PDE3B: variants seen among roughly 807,000 people sequenced by gnomAD.
The protein encoded by PDE3B is cGMP-inhibited 3',5'-cyclic phosphodiesterase 3B.
Under a neutral mutation model 116.8 loss-of-function variants are expected in PDE3B, and 66 were observed. The observed-to-expected ratio is 0.56, with a 90% CI of 0.46 to 0.69. The LOEUF is 0.69. Ranked by LOEUF, PDE3B falls within the 30% of genes least tolerant of loss-of-function variation. The probability of loss-of-function intolerance (pLI) is 0.00; values close to 1 mark genes in which losing one functional copy is unlikely to be tolerated. For synonymous variants in PDE3B, 595 were observed against 533.6 expected, an observed-to-expected ratio of 1.12 and a Z score of -1.59; for missense variants, 1,384 against 1,368.1, an observed-to-expected ratio of 1.01 and a Z score of -0.18.
rs758511037 is a variant in PDE3B at position 14,784,301 on chromosome 11, A to G, written c.1030-2136A>G. Among the ~76,000 whole-genome samples, 76 of 152,342 alleles carry G rather than the reference A, an allele frequency of 5.0e-4. No individual in the cohort carries two copies. In the Middle Eastern group the frequency reaches 0.01, roughly 20 times the overall value. Reference sequence around the variant, plus strand: ...AAATAGTGGGAGAATGCAATAGACTATCCTTCTTGTGAGTTTCATGAATCA... The same window carrying G: ...AAATAGTGGGAGAATGCAATAGACTGTCCTTCTTGTGAGTTTCATGAATCA... On this transcript the variant is annotated intron_variant, in intron 2 of 15. Coordinates refer to ENST00000282096, the MANE Select transcript of PDE3B (RefSeq NM_000922.4).
chr11:14,740,027 G>A (rs929763818), intron 1 of PDE3B, among the ~76,000 whole-genome samples: 5 of 152,174 alleles, frequency 3.3e-5, no homozygotes, highest in South Asian at 2.1e-4. Context: ...GAGAATTTTT[G>A]CATCGATGTT....
Position 14,660,467 on chromosome 11 carries a change from A to G in PDE3B, c.978+15414A>G, listed in dbSNP as rs183884796. The stretch of plus-strand genomic sequence containing the variant: ...CAGGCACGTGCCACCATTCCTGGCT[A>G]TTTTTTTTTTGTATTTTGTAGAGAT... On this transcript the variant is annotated intron_variant, in intron 1 of 15. Transcript: ENST00000282096. Among the ~76,000 whole-genome samples, 258 of 145,578 alleles carry G rather than the reference A, an allele frequency of 1.8e-3. 1 individual carries two copies. Among genetic ancestry groups the G allele is most frequent in the African/African-American group, 6.0e-3 (238 of 39,728 alleles).
intron 2 of PDE3B, among the ~76,000 whole-genome samples, chr11:14,784,125 AC>A (rs1215941721): frequency 1.3e-5 from 2 of 152,118 alleles, no homozygotes; most frequent in Non-Finnish European, 2.9e-5. Context: ...ATCTCCTCGC[AC>A]CCCTACCCAG....
intron 1 of PDE3B, among the ~76,000 whole-genome samples, chr11:14,742,927 T>C (rs1175813890): frequency 1.3e-5 from 2 of 152,134 alleles, no homozygotes; most frequent in Non-Finnish European, 2.9e-5. Flanking sequence ...TGACTGTTCC[T>C]TCCTCTGGAA....
At chr11:14,652,950 T>G (rs1455994731) in intron 1 of PDE3B, among the ~76,000 whole-genome samples, 7 of 152,238 alleles carry the variant, frequency 4.6e-5, no homozygotes, top group Non-Finnish European at 7.3e-5. Context: ...ATTAATTTAT[T>G]TCAGCAATAT....
chr11:14,793,541 G>A (rs1474225015), intron 4 of PDE3B, among the ~76,000 whole-genome samples: 1 of 152,058 alleles, frequency 6.6e-6, no homozygotes, highest in Non-Finnish European at 1.5e-5. Flanking sequence ...CCTATACTTA[G>A]AGTTAAAAGA....
chr11:14,892,172 C>T, the PDE3B span: 1 of 1,610,786 alleles, frequency 6.2e-7, no homozygotes, highest in African/African-American at 1.3e-5. Context: ...CCGAGCGCCG[C>T]CGCGCCCTCT....
intron 5 of PDE3B, among the ~76,000 whole-genome samples, chr11:14,807,287 T>C (rs1048282043): frequency 6.6e-6 from 1 of 152,100 alleles, no homozygotes; most frequent in Non-Finnish European, 1.5e-5. Context: ...GTAAACACAA[T>C]AATAACTTTC....
At position 14,757,727 on chromosome 11, in the gene PDE3B, C is replaced by T. The variant is rs576218922; in HGVS notation, c.979-14210C>T. Among the ~76,000 whole-genome samples, 996 of 146,584 alleles carry T rather than the reference C, an allele frequency of 6.8e-3. 7 individuals are homozygous for T. Among genetic ancestry groups the T allele is most frequent in the Non-Finnish European group, 0.012 (777 of 67,308 alleles). ...AGCCCTTTTTCAGATGAGTAGGTTG[C>T]GAAAATTTTCTCCCATTTTGTAGGG... On this transcript the variant is annotated intron_variant, in intron 1 of 15. Coordinates refer to ENST00000282096, the MANE Select transcript of PDE3B (RefSeq NM_000922.4).
intron 7 of PDE3B, among the ~76,000 whole-genome samples, chr11:14,826,312 A>G (rs2133957713): frequency 6.6e-6 from 1 of 152,344 alleles, no homozygotes; most frequent in East Asian, 1.9e-4. Flanking sequence ...ACACCATCCA[A>G]AAGATGAATG....
chr11:14,877,997 C>T, the PDE3B span: 6 of 950,900 alleles, frequency 6.3e-6, no homozygotes, highest in South Asian at 1.6e-5. Flanking sequence ...TTTTAAGACA[C>T]ATCTGTGTTC....
At chr11:14,693,368 A>G (rs1267775268) in intron 1 of PDE3B, among the ~76,000 whole-genome samples, 2 of 152,246 alleles carry the variant, frequency 1.3e-5, no homozygotes, top group Non-Finnish European at 2.9e-5. Flanking sequence ...TCAGCCTTCT[A>G]TTGGAAGAAG....
chr11:14,684,520 C>T (rs148940449), intron 1 of PDE3B, among the ~76,000 whole-genome samples: 11 of 152,282 alleles, frequency 7.2e-5, no homozygotes, highest in South Asian at 2.1e-4. Context: ...CAGCTGTGCA[C>T]GTATTATCTT....
intron 1 of PDE3B, among the ~76,000 whole-genome samples, chr11:14,754,927 A>G (rs979593181): frequency 3.9e-5 from 6 of 152,102 alleles, no homozygotes; most frequent in East Asian, 1.9e-4. Context: ...TGGAAGGACA[A>G]TCTCTGTAAT....
At chr11:14,890,933 T>C in the PDE3B span, 13 of 985,312 alleles carry the variant, frequency 1.3e-5, no homozygotes, top group African/African-American at 2.3e-4. Flanking sequence ...ATCCCTGTAC[T>C]TTTCCTTCAA....
intron 7 of PDE3B, among the ~76,000 whole-genome samples, chr11:14,821,905 ATTT>A (rs5789850): frequency 1.4e-5 from 2 of 142,596 alleles, no homozygotes; most frequent in African/African-American, 2.6e-5. Context: ...ACTCTTAAGA[ATTT>A]TTTTTTTTTT....
intron 1 of PDE3B, among the ~76,000 whole-genome samples, chr11:14,663,603 A>G (rs567738346): frequency 2.0e-4 from 30 of 152,352 alleles, no homozygotes; most frequent in African/African-American, 6.7e-4. Context: ...AAACAAAAAA[A>G]GGCAGGGGTT....
intron 11 of PDE3B, among the ~76,000 whole-genome samples, chr11:14,836,923 C>T (rs530839522): frequency 1.3e-5 from 2 of 152,350 alleles, no homozygotes; most frequent in South Asian, 2.1e-4. Context: ...AAGCAATTCT[C>T]CTGCCTCAGT....
intron 1 of PDE3B, among the ~76,000 whole-genome samples, chr11:14,660,918 A>C (rs912067128): frequency 1.3e-5 from 2 of 152,214 alleles, no homozygotes; most frequent in Non-Finnish European, 2.9e-5. Context: ...CACATGAAAA[A>C]ATGCTCATCA....
Sources: gnomAD v4.1 joint callset for allele counts (sites outside exome capture counted in the v4.1 genomes callset) on GRCh38, gnomAD v4.1.1 for gene constraint, MANE v1.5 for transcripts, NCBI Gene and HGNC (gene_info 2026-07-23, HGNC 2026-07-21) for gene names.